Variants in LRFN5 observed in about 807,000 individuals in gnomAD.
The protein encoded by LRFN5 is leucine-rich repeat and fibronectin type-III domain-containing protein 5.
A neutral mutation model predicts 45.6 loss-of-function variants in LRFN5; 24 were observed. The ratio of observed to expected loss-of-function variants is 0.53; its 90% CI spans 0.38 to 0.74. The LOEUF (loss-of-function observed/expected upper bound fraction) is 0.74. Ranked by LOEUF, LRFN5 falls within the 30% of genes least tolerant of loss-of-function variation. The pLI, the probability that LRFN5 is intolerant of heterozygous loss-of-function variation, is 0.00. For synonymous variants in LRFN5, 340 were observed against 313.8 expected (o/e 1.08, Z -0.88); for missense variants, 776 against 861.5 (o/e 0.90, Z 1.24).
chr14:41,892,172 A>C lies in LRFN5; in HGVS notation c.2098+210A>C, dbSNP rs111413149. On this transcript the variant is annotated intron_variant, in intron 4 of 5. Coordinates refer to ENST00000298119, the MANE Select transcript of LRFN5 (RefSeq NM_152447.5). ...GGCAACTCTCAAATTCTGAGGGACT[A>C]CTGGAAAGCTCTGTGTAATTTATAA... 526 of 985,370 alleles carry C rather than the reference A, an allele frequency of 5.3e-4. 3 individuals are homozygous for C. The African/African-American group carries it at 8.0e-3, about 15-fold the overall frequency. 61.0% of individuals were successfully genotyped at this position (985,370 alleles called of 1,614,324 possible).
chr14:41,832,600 C>T (rs1001643352), intron 2 of LRFN5, among the ~76,000 whole-genome samples: 2 of 152,126 alleles, frequency 1.3e-5, no homozygotes, highest in Non-Finnish European at 2.9e-5. Flanking sequence ...CACCTTTGCA[C>T]AACATGACTC....
At chr14:41,631,558 A>C (rs940467205) in intron 1 of LRFN5, among the ~76,000 whole-genome samples, 1 of 152,152 alleles carries the variant, frequency 6.6e-6, no homozygotes, top group Non-Finnish European at 1.5e-5. Context: ...ATAAAATATG[A>C]AGTTATAAGA....
At chr14:41,730,650 G>A (rs1884131967) in intron 1 of LRFN5, among the ~76,000 whole-genome samples, 2 of 151,808 alleles carry the variant, frequency 1.3e-5, no homozygotes, top group Admixed American at 6.6e-5. Flanking sequence ...TGACTATATA[G>A]TGTTCAAGTC....
intron 1 of LRFN5, among the ~76,000 whole-genome samples, chr14:41,709,797 A>T (rs543008082): frequency 2.0e-5 from 3 of 152,184 alleles, no homozygotes; most frequent in Admixed American, 2.0e-4. Context: ...GTCAATAGTA[A>T]AAAGTAGATT....
At chr14:41,781,901 C>T (rs1270692931) in intron 2 of LRFN5, among the ~76,000 whole-genome samples, 2 of 151,998 alleles carry the variant, frequency 1.3e-5, no homozygotes, top group African/African-American at 2.4e-5. Context: ...TGATGGGAAG[C>T]CCAATGCAAT....
At chr14:41,687,424 T>C (rs1882170072) in intron 1 of LRFN5, among the ~76,000 whole-genome samples, 1 of 152,224 alleles carries the variant, frequency 6.6e-6, no homozygotes, top group Non-Finnish European at 1.5e-5. Context: ...TGGAAGACAG[T>C]AATGCGATTC....
intron 4 of LRFN5, chr14:41,894,663 A>G (rs944462244): frequency 9.1e-6 from 9 of 985,154 alleles, no homozygotes; most frequent in African/African-American, 3.5e-5. Context: ...GTCTACAGAA[A>G]AGGTGGGAAT....
At chr14:41,871,180 T>C (rs1332286991) in intron 2 of LRFN5, among the ~76,000 whole-genome samples, 1 of 152,134 alleles carries the variant, frequency 6.6e-6, no homozygotes, top group East Asian at 1.9e-4. Flanking sequence ...ACTAGATTTA[T>C]CTCATTAAAA....
At chr14:41,624,664 T>G in intron 1 of LRFN5, among the ~76,000 whole-genome samples, 1 of 152,092 alleles carries the variant, frequency 6.6e-6, no homozygotes, top group East Asian at 1.9e-4. Context: ...TGAAATACTG[T>G]TACTCTACAT....
At chr14:41,668,632 G>C (rs1321636341) in intron 1 of LRFN5, among the ~76,000 whole-genome samples, 1 of 152,112 alleles carries the variant, frequency 6.6e-6, no homozygotes, top group Non-Finnish European at 1.5e-5. Flanking sequence ...GAATTTTTCA[G>C]ACAAAATGCT....
At chr14:41,893,435 T>C (rs1410208681) in intron 4 of LRFN5, 1 of 985,268 alleles carries the variant, frequency 1.0e-6, no homozygotes, top group Non-Finnish European at 1.2e-6. Flanking sequence ...AACTGACCCA[T>C]TGCTTTGCAC....
intron 1 of LRFN5, among the ~76,000 whole-genome samples, chr14:41,757,197 G>A (rs1310826593): frequency 6.6e-6 from 1 of 152,122 alleles, no homozygotes; most frequent in African/African-American, 2.4e-5. Context: ...TAGGCTACTC[G>A]GGGGTCAGGG....
intron 4 of LRFN5, chr14:41,892,963 A>T: frequency 2.0e-6 from 2 of 985,302 alleles, no homozygotes; most frequent in Non-Finnish European, 2.4e-6. Context: ...GCCTTTATCA[A>T]AGGGGTGTTT....
chr14:41,790,319 T>A (rs572871190), intron 2 of LRFN5, among the ~76,000 whole-genome samples: 58 of 151,966 alleles, frequency 3.8e-4, no homozygotes, highest in African/African-American at 1.3e-3. Context: ...TATTTGAGTC[T>A]TATTTTTTTT....
intron 2 of LRFN5, among the ~76,000 whole-genome samples, chr14:41,829,940 G>T (rs1484146846): frequency 6.6e-6 from 1 of 151,058 alleles, no homozygotes; most frequent in Non-Finnish European, 1.5e-5. Context: ...ACTATTTAGA[G>T]CTTTGGATTT....
chr14:41,874,965 A>G (rs1359966811), intron 2 of LRFN5, among the ~76,000 whole-genome samples: 1 of 152,170 alleles, frequency 6.6e-6, no homozygotes, highest in Non-Finnish European at 1.5e-5. Context: ...GAATAGCATG[A>G]GGGTAACCAC....
chr14:41,663,546 A>G (rs1265518441), intron 1 of LRFN5, among the ~76,000 whole-genome samples: 2 of 151,716 alleles, frequency 1.3e-5, no homozygotes, highest in Admixed American at 6.6e-5. Flanking sequence ...TAGTTATTAG[A>G]AAAAAATAAG....
At chr14:41,881,644 T>G (rs1196576490) in intron 2 of LRFN5, among the ~76,000 whole-genome samples, 2 of 152,118 alleles carry the variant, frequency 1.3e-5, no homozygotes, top group Non-Finnish European at 2.9e-5. Context: ...ATGATAATAT[T>G]AATCATTCAA....
chr14:41,656,215 C>G (rs979926029), intron 1 of LRFN5, among the ~76,000 whole-genome samples: 1 of 151,808 alleles, frequency 6.6e-6, no homozygotes, highest in African/African-American at 2.4e-5. Context: ...TATTTACCTC[C>G]CAAGGCTATT....
Sources: gnomAD v4.1 joint callset for allele counts (sites outside exome capture counted in the v4.1 genomes callset) on GRCh38, gnomAD v4.1.1 for gene constraint, MANE v1.5 for transcripts, NCBI Gene and HGNC (gene_info 2026-07-23, HGNC 2026-07-21) for gene names.